ZFHX3: variants seen among roughly 807,000 people sequenced by gnomAD.
The protein encoded by ZFHX3 is zinc finger homeobox 3.
In ZFHX3, 42 loss-of-function variants were observed where a neutral mutation model predicts 279.1. The observed-to-expected ratio is 0.15, with a 90% CI of 0.12 to 0.19. The LOEUF (loss-of-function observed/expected upper bound fraction) is 0.19. Ranked by LOEUF, ZFHX3 falls within the 10% of genes least tolerant of loss-of-function variation. The probability of loss-of-function intolerance (pLI) is 1.00; values close to 1 mark genes in which losing one functional copy is unlikely to be tolerated. For synonymous variants in ZFHX3, 2,293 were observed against 1,957.8 expected (o/e 1.17, Z -4.52); for missense variants, 4,981 against 4,754.0 (o/e 1.05, Z -1.40).
chr16:73,682,979 AAAGAAAGAAAG>A (rs2053039014), intron 1 of ZFHX3, among the ~76,000 whole-genome samples: 1 of 23,228 alleles, frequency 4.3e-5, no homozygotes, highest in Non-Finnish European at 8.1e-5. Flanking sequence ...AGAAAGAAAG[AAAGAAAGAAAG>A]AAAAGAAAGA....
intron 3 of ZFHX3, among the ~76,000 whole-genome samples, chr16:73,350,663 A>G (rs1001574429): frequency 2.0e-5 from 3 of 152,078 alleles, no homozygotes; most frequent in African/African-American, 7.2e-5. Flanking sequence ...TTCACTCATC[A>G]CTTCTCCTGC....
intron 2 of ZFHX3, among the ~76,000 whole-genome samples, chr16:73,671,213 T>A (rs2052900735): frequency 6.6e-6 from 1 of 152,220 alleles, no homozygotes; most frequent in Non-Finnish European, 1.5e-5. Context: ...AGCAGCGTGT[T>A]ATTGACCAGG....
At chr16:73,690,156 A>G (rs4547359) in intron 1 of ZFHX3, among the ~76,000 whole-genome samples, 19,968 of 152,046 alleles carry the variant, frequency 0.13, 1,407 homozygotes, top group Middle Eastern at 0.15. Context: ...ACCTCAGACA[A>G]TCCTCCCACC....
intron 1 of ZFHX3, among the ~76,000 whole-genome samples, chr16:73,045,357 T>TGC: frequency 6.6e-6 from 1 of 152,302 alleles, no homozygotes; most frequent in East Asian, 1.9e-4. Context: ...CAAGCATCAT[T>TGC]TAAAGTCATA....
chr16:72,794,408 G>A lies in ZFHX3; in HGVS notation c.8274C>T (p.Leu2758=). ...SAMLLDCDGG[L]QMKGDIFDGT... is the part of the protein sequence containing the mutation. ...CGTCAAAAATATCTCCTTTCATCTGGAGTCCCCCATCACAGTCTAAGAGCA... is the reference window on the plus strand; with the variant it reads ...CGTCAAAAATATCTCCTTTCATCTGAAGTCCCCCATCACAGTCTAAGAGCA... The change falls in exon 9 of 10, where the codon CTC becomes CTT. Residue 2758 remains leucine (L), a synonymous_variant. Transcript: ENST00000268489. This position sits in a 1 kb window ranked among gnomAD's most constrained non-coding sequence, Gnocchi z 4.2. 1 of 1,610,064 alleles carries A rather than the reference G, an allele frequency of 6.2e-7. No homozygotes were observed. Among genetic ancestry groups the A allele is most frequent in the African/African-American group, 1.3e-5 (1 of 74,902 alleles).
chr16:73,279,100 C>T (rs1042018797), intron 4 of ZFHX3, among the ~76,000 whole-genome samples: 9 of 152,126 alleles, frequency 5.9e-5, no homozygotes, highest in Admixed American at 5.9e-4. Context: ...TTACAAATTA[C>T]AATGCTAATC....
intron 3 of ZFHX3, among the ~76,000 whole-genome samples, chr16:72,909,871 G>A (rs897003163): frequency 2.0e-4 from 20 of 100,276 alleles, no homozygotes; most frequent in African/African-American, 9.2e-4. Context: ...AAGTGACACC[G>A]TGTCTCAAAA....
chr16:72,909,421 T>C (rs527825765), intron 3 of ZFHX3, among the ~76,000 whole-genome samples: 43 of 152,302 alleles, frequency 2.8e-4, no homozygotes, highest in African/African-American at 9.4e-4. Context: ...GGCAGTGATA[T>C]GCTGTTCCCT....
At chr16:73,567,070 A>G (rs186675024) in intron 2 of ZFHX3, among the ~76,000 whole-genome samples, 4 of 152,126 alleles carry the variant, frequency 2.6e-5, no homozygotes, top group Middle Eastern at 3.4e-3. Flanking sequence ...GCTGTTGTCA[A>G]ACTTCTGGGC....
At chr16:73,550,547 G>C (rs1179635101) in intron 2 of ZFHX3, among the ~76,000 whole-genome samples, 1 of 152,128 alleles carries the variant, frequency 6.6e-6, no homozygotes, top group Non-Finnish European at 1.5e-5. Context: ...GCGTCAAAGG[G>C]AGAAAAACAA....
intron 8 of ZFHX3, among the ~76,000 whole-genome samples, chr16:73,083,719 G>A (rs1965976701): frequency 1.3e-5 from 2 of 152,200 alleles, no homozygotes; most frequent in South Asian, 4.1e-4. Context: ...TTATAGAGAT[G>A]CGTTTTTGCC....
At position 72,811,703 on chromosome 16, in the gene ZFHX3, G is replaced by A; in HGVS notation, c.3738C>T (p.His1246=). 6.2e-7 allele frequency: 1 copy of A among 1,614,130 alleles called. No individual in the cohort carries two copies. The highest frequency in any genetic ancestry group is 8.5e-7 in the Non-Finnish European group (1 of 1,180,020). Residue 1246 remains histidine, a synonymous_variant, in exon 7 of 10, where the codon CAC becomes CAT. Coordinates refer to ENST00000268489, the MANE Select transcript of ZFHX3 (RefSeq NM_006885.4). ...GGCAGCGAAGCATGGGTTGCACCGA[G>A]TGCTGCGTCATGGCATGCACCCGGA... ...NRLRVHAMTQ[H]SVQPMLRCPL...
intron 2 of ZFHX3, among the ~76,000 whole-genome samples, chr16:73,610,968 T>C (rs1395529862): frequency 6.6e-6 from 1 of 152,192 alleles, no homozygotes; most frequent in East Asian, 1.9e-4. Flanking sequence ...CTTGCACCTA[T>C]CTGATGGAGG....
intron 3 of ZFHX3, among the ~76,000 whole-genome samples, chr16:73,361,274 G>A (rs1436301397): frequency 6.6e-6 from 1 of 152,256 alleles, no homozygotes; most frequent in Non-Finnish European, 1.5e-5. Flanking sequence ...TTTGGCCGAT[G>A]AGACGGTGGC....
At chr16:73,529,808 C>T (rs1007325433) in intron 2 of ZFHX3, among the ~76,000 whole-genome samples, 2 of 152,184 alleles carry the variant, frequency 1.3e-5, no homozygotes, top group Admixed American at 6.5e-5. Flanking sequence ...AACTGATGCA[C>T]CTGTTTCTCC....
intron 2 of ZFHX3, among the ~76,000 whole-genome samples, chr16:73,529,949 G>A (rs1048536023): frequency 4.6e-5 from 7 of 151,882 alleles, no homozygotes; most frequent in African/African-American, 1.7e-4. Context: ...GTGTGTGTGT[G>A]TTGGGGTGGA....
intron 3 of ZFHX3, among the ~76,000 whole-genome samples, chr16:73,334,200 A>G (rs2015862820): frequency 6.6e-6 from 1 of 152,144 alleles, no homozygotes. Context: ...AGAGGGGGCC[A>G]CGGAGGGTCA....
intron 2 of ZFHX3, among the ~76,000 whole-genome samples, chr16:73,646,526 A>G (rs955833400): frequency 6.6e-6 from 1 of 152,212 alleles, no homozygotes; most frequent in Non-Finnish European, 1.5e-5. Context: ...ACTAAATTTG[A>G]TAAAATAGAT....
At chr16:73,371,974 C>T (rs2016638921) in intron 3 of ZFHX3, among the ~76,000 whole-genome samples, 1 of 152,240 alleles carries the variant, frequency 6.6e-6, no homozygotes, top group Non-Finnish European at 1.5e-5. Flanking sequence ...GTGCTGCGTT[C>T]ACATGCACAT....
Sources: allele counts gnomAD v4.1 joint callset (sites outside exome capture counted in the v4.1 genomes callset), GRCh38; gene constraint gnomAD v4.1.1; non-coding constraint Gnocchi (gnomAD v3.1); transcripts MANE v1.5; gene names NCBI Gene and HGNC (gene_info 2026-07-23, HGNC 2026-07-21).